Variants in RRBP1 observed in about 807,000 individuals in gnomAD.
RRBP1 encodes ribosome-binding protein 1.
A neutral mutation model predicts 165.2 loss-of-function variants in RRBP1; 94 were observed. That is an observed-to-expected ratio of 0.57 (90% CI 0.48 to 0.68). RRBP1 has a LOEUF of 0.68. RRBP1 is among the 30% of genes least tolerant of loss of function. RRBP1 has a pLI of 0.00. For synonymous variants in RRBP1, 680 were observed against 714.5 expected (o/e 0.95, Z 0.77); for missense variants, 1,676 against 1,763.0 (o/e 0.95, Z 0.88).
chr20:17,681,860 A>ACCCCGC (rs2037197896), intron 1 of RRBP1, among the ~76,000 whole-genome samples, 168 bp downstream of exon 1: 1 of 146,290 alleles, frequency 6.8e-6, no homozygotes, highest in Non-Finnish European at 1.5e-5. Context: ...CCCGAGTCCG[A>ACCCCGC]CCCCGACCCC....
At chr20:17,654,050 G>C (rs1165545348) in intron 3 of RRBP1, among the ~76,000 whole-genome samples, 2 of 152,140 alleles carry the variant, frequency 1.3e-5, no homozygotes, top group Non-Finnish European at 2.9e-5. Context: ...TGGCCATGCA[G>C]GGTCTGACCA....
At chr20:17,660,918 T>A (rs2036754362) in intron 2 of RRBP1, among the ~76,000 whole-genome samples, 1 of 152,112 alleles carries the variant, frequency 6.6e-6, no homozygotes, top group Non-Finnish European at 1.5e-5. Flanking sequence ...GAGACTGTAG[T>A]AAAAACACCC....
intron 3 of RRBP1, among the ~76,000 whole-genome samples, chr20:17,647,173 T>A (rs1278490995): frequency 6.6e-6 from 1 of 152,232 alleles, no homozygotes; most frequent in Non-Finnish European, 1.5e-5. Context: ...ATGTACCACC[T>A]GCATACCCAG....
Position 17,658,643 on chromosome 20 carries a change from T to A in RRBP1, c.1865A>T (p.Glu622Val). 6.2e-7 allele frequency: 1 copy of A among 1,612,374 alleles called. No individual in the cohort carries two copies. The change falls in exon 3 of 25, where the codon GAG becomes GTG. Residue 622 changes from glutamate (E) to valine (V), a missense_variant. Physicochemically the swap from Glu to Val is moderately radical, Grantham distance 121. Around this residue, in one of 5 missense-constraint regions of RRBP1, gnomAD observed 1,184 missense variants for 1,167.1 expected, o/e 1.01. Coordinates refer to ENST00000377813, the MANE Select transcript of RRBP1 (RefSeq NM_001365613.2). ...VAQSPEAPKQ[E>V]APAKKKSGSK... ...ACCAGACTTCTTCTTGGCAGGAGCCTCTTGCTTTGGTGCCTCTGGGCTCTG... is the reference window on the plus strand; with the variant it reads ...ACCAGACTTCTTCTTGGCAGGAGCCACTTGCTTTGGTGCCTCTGGGCTCTG...
intron 3 of RRBP1, among the ~76,000 whole-genome samples, chr20:17,657,097 T>C (rs1395648687): frequency 6.6e-6 from 1 of 152,246 alleles, no homozygotes; most frequent in East Asian, 1.9e-4. Context: ...ATGCCTGATG[T>C]GGAAGAACCA....
intron 2 of RRBP1, among the ~76,000 whole-genome samples, chr20:17,662,367 G>C (rs2036782114): frequency 1.3e-5 from 2 of 152,082 alleles, no homozygotes. Context: ...AAACACTCAT[G>C]ACGAAGAAAC....
At chr20:17,678,529 C>A (rs1185794785) in intron 2 of RRBP1, among the ~76,000 whole-genome samples, 1 of 152,158 alleles carries the variant, frequency 6.6e-6, no homozygotes, top group Non-Finnish European at 1.5e-5. Flanking sequence ...TGGTTTTGAC[C>A]TACAGAATGG....
intron 3 of RRBP1, among the ~76,000 whole-genome samples, chr20:17,645,901 G>A (rs1189691614): frequency 2.6e-5 from 4 of 152,196 alleles, no homozygotes; most frequent in Non-Finnish European, 5.9e-5. Context: ...TGCGGCTAAC[G>A]CTTTGCCCAT....
chr20:17,620,437 T>C, intron 17 of RRBP1, 67 bp from the exon 18 acceptor site: 1 of 1,442,262 alleles, frequency 6.9e-7, no homozygotes. Flanking sequence ...GAGGCCATGC[T>C]AGGACCCGAG....
At chr20:17,618,830 G>A (rs1274516734) in intron 19 of RRBP1, 151 bp from the exon 20 acceptor site, 9 of 640,380 alleles carry the variant, frequency 1.4e-5, no homozygotes, top group East Asian at 5.5e-5. Flanking sequence ...CACAGGGCTC[G>A]CCAGGCTTCC....
At chr20:17,634,866 A>C (rs1783333106) in intron 7 of RRBP1, among the ~76,000 whole-genome samples, 1 of 152,138 alleles carries the variant, frequency 6.6e-6, no homozygotes, top group Non-Finnish European at 1.5e-5. Flanking sequence ...CAAAACAGAT[A>C]CTTGGCCCAG....
intron 3 of RRBP1, among the ~76,000 whole-genome samples, chr20:17,656,421 A>G (rs1423245911): frequency 6.6e-6 from 1 of 152,120 alleles, no homozygotes; most frequent in South Asian, 2.1e-4. Context: ...TTTTTTTTCA[A>G]ATTAAATCTA....
At position 17,659,923 on chromosome 20, in the gene RRBP1, G is replaced by C. The variant is rs567056028; in HGVS notation, c.585C>G (p.Gly195=). Residue 195 remains glycine (G), a synonymous_variant, in exon 3 of 25, where the codon GGC becomes GGG. Transcript: ENST00000377813. ...VGAKGNTPAT[G]TTQGKKAEGT... Reference sequence around the variant, plus strand: ...CCTCCGCCTTTTTGCCCTGAGTAGTGCCAGTGGCTGGTGTGTTGCCCTTGG... The same window carrying C: ...CCTCCGCCTTTTTGCCCTGAGTAGTCCCAGTGGCTGGTGTGTTGCCCTTGG... 6.4e-7 allele frequency: 1 copy of C among 1,571,382 alleles called. No individual in the cohort carries two copies. Among genetic ancestry groups the C allele is most frequent in the South Asian group, 1.2e-5 (1 of 86,210 alleles).
chr20:17,649,914 T>C (rs933393646), intron 3 of RRBP1, among the ~76,000 whole-genome samples: 9 of 152,142 alleles, frequency 5.9e-5, no homozygotes, highest in Non-Finnish European at 2.9e-5. Context: ...CCTCAGTTCA[T>C]GAATGCCTCC....
At chr20:17,673,739 A>G (rs2122506508) in intron 2 of RRBP1, among the ~76,000 whole-genome samples, 1 of 152,310 alleles carries the variant, frequency 6.6e-6, no homozygotes, top group Middle Eastern at 3.4e-3. Context: ...CAAACTGTAC[A>G]GAATAAGTCT....
At chr20:17,639,041 C>T (rs1042897718) in intron 5 of RRBP1, among the ~76,000 whole-genome samples, 19 of 152,234 alleles carry the variant, frequency 1.2e-4, no homozygotes, top group African/African-American at 3.9e-4. Flanking sequence ...AGCCAGAACA[C>T]GGGACCAAGC....
At chr20:17,631,674 G>T (rs967512770) in intron 8 of RRBP1, among the ~76,000 whole-genome samples, 6 of 152,244 alleles carry the variant, frequency 3.9e-5, no homozygotes, top group African/African-American at 1.4e-4. Context: ...CACCTTCAAT[G>T]GGTACTTTCT....
At chr20:17,618,812 C>T (rs534802827) in intron 19 of RRBP1, 133 bp from the exon 20 acceptor site, 86 of 694,402 alleles carry the variant, frequency 1.2e-4, no homozygotes, top group East Asian at 2.2e-4. Context: ...GTCACAGCAT[C>T]GGGCCGGCAC....
chr20:17,656,132 C>CA (rs1378455842), intron 3 of RRBP1, among the ~76,000 whole-genome samples: 3 of 152,240 alleles, frequency 2.0e-5, no homozygotes, highest in African/African-American at 7.2e-5. Flanking sequence ...CATGGGAAAA[C>CA]AGGCCTGAGA....
Sources: gnomAD v4.1 joint callset for allele counts (sites outside exome capture counted in the v4.1 genomes callset) on GRCh38, gnomAD v4.1.1 for gene constraint, gnomAD v4.1.1 regional missense constraint, MANE v1.5 for transcripts, NCBI Gene and HGNC (gene_info 2026-07-23, HGNC 2026-07-21) for gene names.